The following TMEM143 variants were observed in gnomAD, a reference collection of about 807,000 sequenced individuals.
TMEM143 encodes the protein transmembrane protein 143.
A neutral mutation model predicts 40.3 loss-of-function variants in TMEM143; 45 were observed. The observed-to-expected ratio is 1.12, with a 90% confidence interval of 0.88 to 1.43. The LOEUF (loss-of-function observed/expected upper bound fraction) is 1.43. Ranked by LOEUF, TMEM143 falls within the 40% of genes most tolerant of loss-of-function variation. The probability of loss-of-function intolerance (pLI) is 0.00; values close to 1 mark genes in which losing one functional copy is unlikely to be tolerated. For missense variants in TMEM143, 620 were observed against 613.4 expected (o/e 1.01, Z -0.11); for synonymous variants, 299 against 282.7 (o/e 1.06, Z -0.58).
At chr19:48,345,593 G>A (rs1036391905) in intron 3 of TMEM143, among the ~76,000 whole-genome samples, 4 of 151,166 alleles carry the variant, frequency 2.6e-5, no homozygotes, top group Non-Finnish European at 2.9e-5. Context: ...CAAGTAGCTG[G>A]GACTACAGGC....
chr19:48,354,264 C>CTTTTTTTTTTTTTT (rs71181682), intron 3 of TMEM143, among the ~76,000 whole-genome samples: 1 of 110,326 alleles, frequency 9.1e-6, no homozygotes, highest in Non-Finnish European at 1.9e-5. Context: ...CAGACTTTTT[C>CTTTTTTTTTTTTTT]TTTTTTTTTT....
chr19:48,359,091 C>A (rs1028562512), intron 3 of TMEM143, among the ~76,000 whole-genome samples: 4 of 152,154 alleles, frequency 2.6e-5, no homozygotes, highest in Non-Finnish European at 4.4e-5. Context: ...ATCGCTTGAA[C>A]TGGGGAGGCG....
At position 48,345,374 on chromosome 19, in the gene TMEM143, G is replaced by A. The variant is rs755177513; in HGVS notation, c.370-20C>T. On this transcript the variant is annotated intron_variant, in intron 3 of 7. Coordinates refer to ENST00000293261, the MANE Select transcript of TMEM143 (RefSeq NM_018273.4). ...TAAGGCCTAAGAGGAGAGTCAGAGA[G>A]AAAAAGATGGGATAGGTCTCTGCAT... 3 of 1,509,512 alleles carry A rather than the reference G, an allele frequency of 2.0e-6. No individual in the cohort carries two copies. Among genetic ancestry groups the A allele is most frequent in the Admixed American group, 4.6e-5 (2 of 43,532 alleles). 93.5% of individuals were successfully genotyped at this position (1,509,512 alleles called of 1,614,324 possible).
Position 48,357,454 on chromosome 19 carries a change from C to T in TMEM143, c.369+2618G>A, listed in dbSNP as rs373461354. 7.6e-4 allele frequency among the ~76,000 whole-genome samples: 114 copies of T among 149,188 alleles called. 2 individuals are homozygous for T. In the East Asian group the frequency reaches 0.02, roughly 27 times the overall value. ...CTGCAAGCTCCGCCTCCCGGGTTCA[C>T]GTCATTCTCCTGCCTCAGCCTCCCG... On this transcript the variant is annotated intron_variant, in intron 3 of 7. Coordinates refer to ENST00000293261, the MANE Select transcript of TMEM143 (RefSeq NM_018273.4).
rs757698055 is a variant in TMEM143, at chr19:48,333,962, GC to G, written c.1165+45del. The G allele has an allele frequency of 6.8e-7, 1 of 1,468,876 alleles. No homozygotes were observed. 91.0% of individuals were successfully genotyped at this position (1,468,876 alleles called of 1,614,324 possible). On this transcript the variant is annotated intron_variant, in intron 7 of 7. Transcript: ENST00000293261. This position sits in a 1 kb window ranked among gnomAD's most constrained non-coding sequence, Gnocchi z 4.1. ...ACGCATCTCGCTGGGGCGGGGCCTC[GC>G]GGGGGTGTGGCCCCTGGGGGCAGGG...
chr19:48,333,110 G>T lies in TMEM143; in HGVS notation c.*109C>A. 1 of 868,914 alleles carries T rather than the reference G, an allele frequency of 1.2e-6. No homozygotes were observed. Among genetic ancestry groups the T allele is most frequent in the Non-Finnish European group, 1.6e-6 (1 of 617,500 alleles). 53.8% of individuals were successfully genotyped at this position (868,914 alleles called of 1,614,324 possible). ...GTGCAGCAAAAATAATCACCTGTCA[G>T]TTATTGGAAGTTGGAGTGAAAAGTA... On this transcript the variant is annotated 3_prime_UTR_variant, in exon 8 of 8. Coordinates refer to ENST00000293261, the MANE Select transcript of TMEM143 (RefSeq NM_018273.4). The surrounding 1 kb of genome is among the most constrained non-coding windows in gnomAD (Gnocchi z 4.1).
intron 2 of TMEM143, chr19:48,360,582 A>G (rs1199994269): frequency 1.2e-5 from 2 of 167,632 alleles, no homozygotes; most frequent in African/African-American, 4.8e-5. Context: ...TCTCAAAAAA[A>G]AAAAAAAAAA....
chr19:48,337,984 CAG>C (rs1969408700), intron 6 of TMEM143, among the ~76,000 whole-genome samples: 1 of 152,120 alleles, frequency 6.6e-6, no homozygotes, highest in South Asian at 2.1e-4. Context: ...CAGATGAAGC[CAG>C]AGTCTCCCTG....
Position 48,363,477 on chromosome 19 carries a change from G to GGACCCCCA in TMEM143, c.70_77dup (p.Arg27GlyfsTer63), listed in dbSNP as rs767947579. 6.2e-7 allele frequency: 1 copy of GGACCCCCA among 1,613,904 alleles called. No homozygotes were observed. Among genetic ancestry groups the GGACCCCCA allele is most frequent in the African/African-American group, 1.3e-5 (1 of 75,068 alleles). On this transcript the variant is annotated frameshift_variant, in exon 2 of 8. Coordinates refer to ENST00000293261, the MANE Select transcript of TMEM143 (RefSeq NM_018273.4). LOFTEE classifies it high-confidence loss of function. ...GCAACAGTGGCCATACTCGGACCCT[G>GGACCCCCA]GACCCCCAGACCCCCCGGGTCACAT...
At chr19:48,339,116 G>A (rs762629339) in intron 6 of TMEM143, among the ~76,000 whole-genome samples, 1 of 152,128 alleles carries the variant, frequency 6.6e-6, no homozygotes, top group Non-Finnish European at 1.5e-5. Context: ...GCAGGACTGG[G>A]TAGAATGGGG....
Position 48,342,803 on chromosome 19 carries a change from G to A in TMEM143, c.702C>T (p.Tyr234=), listed in dbSNP as rs16982007. The A allele has an allele frequency of 6.2e-7, 1 of 1,602,626 alleles. No homozygotes were observed. The highest frequency in any genetic ancestry group is 1.3e-5 in the African/African-American group (1 of 74,756). The change falls in exon 6 of 8, where the codon TAC becomes TAT. Residue 234 remains tyrosine, a synonymous_variant. Coordinates refer to ENST00000293261, the MANE Select transcript of TMEM143 (RefSeq NM_018273.4). Reference sequence around the variant, plus strand: ...GGGCTGCCAGGACCACCCGCTTAAAGTATCTCCTGAGGGACAGAGACAGAG... The same window carrying A: ...GGGCTGCCAGGACCACCCGCTTAAAATATCTCCTGAGGGACAGAGACAGAG... ...FTKLPPAERR[Y]FKRVVLAART...
At chr19:48,334,332 T>A in intron 6 of TMEM143, 135 bp from the exon 7 acceptor site, 1 of 801,112 alleles carries the variant, frequency 1.2e-6, no homozygotes, top group Non-Finnish European at 1.9e-6. Context: ...TACCCAGACC[T>A]CTTCAGTACG....
At chr19:48,336,514 G>A (rs888017552) in intron 6 of TMEM143, among the ~76,000 whole-genome samples, 2 of 151,858 alleles carry the variant, frequency 1.3e-5, no homozygotes, top group African/African-American at 4.8e-5. Flanking sequence ...AACAGAGTGG[G>A]ACTCTGTCTC....
intron 3 of TMEM143, among the ~76,000 whole-genome samples, chr19:48,348,439 G>A (rs1969694923): frequency 6.6e-6 from 1 of 152,096 alleles, no homozygotes; most frequent in African/African-American, 2.4e-5. Flanking sequence ...TCCTGCCTGG[G>A]TGAGCCCAAC....
chr19:48,343,075 C>T (rs1286864292), intron 5 of TMEM143: 8 of 680,544 alleles, frequency 1.2e-5, no homozygotes, highest in Admixed American at 6.1e-5. Context: ...CCTCCCTCTC[C>T]GAGCCTCAGT....
intron 3 of TMEM143, among the ~76,000 whole-genome samples, chr19:48,348,787 C>T (rs974158739): frequency 6.6e-6 from 1 of 152,208 alleles, no homozygotes; most frequent in Non-Finnish European, 1.5e-5. Context: ...CCCAAGGCTT[C>T]TACTGCCCTC....
At chr19:48,361,762 C>T (rs565004374) in intron 2 of TMEM143, among the ~76,000 whole-genome samples, 27 of 148,506 alleles carry the variant, frequency 1.8e-4, no homozygotes, top group East Asian at 1.2e-3. Context: ...CTCCTGACCT[C>T]GTGATCTGCC....
chr19:48,343,544 TTCCCCCGTTTCCCACTTA>T, intron 4 of TMEM143, 93 bp from the exon 5 acceptor site: 1 of 1,439,126 alleles, frequency 6.9e-7, no homozygotes, highest in Admixed American at 2.3e-5. Context: ...CCCTAAATAA[TTCCCCCGTTTCCCACTTA>T]TCCCCATTCA....
chr19:48,340,777 TA>T (rs1969470085), intron 6 of TMEM143, among the ~76,000 whole-genome samples: 1 of 152,046 alleles, frequency 6.6e-6, no homozygotes, highest in South Asian at 2.1e-4. Flanking sequence ...GCTCTGAGGA[TA>T]AGGCCTTGGG....
Sources: allele counts gnomAD v4.1 joint callset (sites outside exome capture counted in the v4.1 genomes callset), GRCh38; gene constraint gnomAD v4.1.1; non-coding constraint Gnocchi (gnomAD v3.1); transcripts MANE v1.5; gene names NCBI Gene and HGNC (gene_info 2026-07-23, HGNC 2026-07-21).